The following PTPRD variants were observed in gnomAD, a reference collection of about 807,000 sequenced individuals.
PTPRD encodes the protein protein tyrosine phosphatase receptor type D.
In PTPRD, 34 loss-of-function variants were observed where a neutral mutation model predicts 214.5. The ratio of observed to expected loss-of-function variants is 0.16; its 90% CI spans 0.12 to 0.21. The LOEUF (loss-of-function observed/expected upper bound fraction) is 0.21. Ranked by LOEUF, PTPRD falls within the 10% of genes least tolerant of loss-of-function variation. The pLI is 1.00. For synonymous variants in PTPRD, 1,128 were observed against 845.7 expected (o/e 1.33, Z -5.79); for missense variants, 2,545 against 2,398.7 (o/e 1.06, Z -1.27).
At chr9:9,283,804 T>C (rs920116274) in intron 9 of PTPRD, among the ~76,000 whole-genome samples, 4 of 151,708 alleles carry the variant, frequency 2.6e-5, no homozygotes, top group African/African-American at 9.7e-5. Flanking sequence ...TAGATGTATA[T>C]TGACCCTGTG....
chr9:9,438,170 G>A (rs2086088013), intron 8 of PTPRD, among the ~76,000 whole-genome samples: 1 of 152,112 alleles, frequency 6.6e-6, no homozygotes. Flanking sequence ...TAATCTCTAT[G>A]AAGATCCTAT....
intron 2 of PTPRD, among the ~76,000 whole-genome samples, chr9:10,414,793 T>C (rs1021833518): frequency 3.3e-5 from 5 of 151,884 alleles, no homozygotes; most frequent in African/African-American, 1.2e-4. Context: ...TGTGGAAACA[T>C]GGATGGAACG....
At chr9:8,723,253 T>C (rs1382908396) in intron 12 of PTPRD, among the ~76,000 whole-genome samples, 2 of 152,174 alleles carry the variant, frequency 1.3e-5, no homozygotes, top group African/African-American at 2.4e-5. Flanking sequence ...CTCCATTTTT[T>C]CATAGCTGGA....
intron 8 of PTPRD, among the ~76,000 whole-genome samples, chr9:9,483,239 G>A (rs981500274): frequency 2.6e-5 from 4 of 152,142 alleles, no homozygotes; most frequent in Non-Finnish European, 5.9e-5. Flanking sequence ...GATGATCACA[G>A]GTGCATTTTT....
At chr9:8,696,195 G>C (rs905963097) in intron 12 of PTPRD, among the ~76,000 whole-genome samples, 11 of 152,174 alleles carry the variant, frequency 7.2e-5, no homozygotes, top group African/African-American at 2.4e-4. Context: ...AGAGAGAAGA[G>C]GACACGGGAT....
At chr9:9,565,418 A>T (rs966257019) in intron 8 of PTPRD, among the ~76,000 whole-genome samples, 3 of 151,928 alleles carry the variant, frequency 2.0e-5, no homozygotes, top group Admixed American at 6.6e-5. Context: ...TGTAATCTAA[A>T]TGCAAATCTA....
chr9:9,636,290 A>G (rs549213424), intron 7 of PTPRD, among the ~76,000 whole-genome samples: 8 of 152,282 alleles, frequency 5.3e-5, no homozygotes, highest in African/African-American at 1.4e-4. Context: ...GACTTTTTGC[A>G]TAGTTTGCAT....
chr9:10,324,099 T>C (rs2096602389), intron 3 of PTPRD, among the ~76,000 whole-genome samples: 1 of 152,110 alleles, frequency 6.6e-6, no homozygotes, highest in South Asian at 2.1e-4. Flanking sequence ...TTGTAAATTA[T>C]AATGTCTCTC....
intron 7 of PTPRD, among the ~76,000 whole-genome samples, chr9:9,583,469 A>G (rs996583061): frequency 2.6e-5 from 4 of 152,090 alleles, no homozygotes; most frequent in Non-Finnish European, 5.9e-5. Context: ...ACCCTTTTTC[A>G]TGAATGACAT....
chr9:9,269,171 G>C (rs940431697), intron 9 of PTPRD, among the ~76,000 whole-genome samples: 1 of 151,116 alleles, frequency 6.6e-6, no homozygotes, highest in Non-Finnish European at 1.5e-5. Flanking sequence ...CAACAATAAA[G>C]CTAAATAACC....
chr9:9,316,293 A>G (rs1376791828), intron 9 of PTPRD, among the ~76,000 whole-genome samples: 2 of 152,032 alleles, frequency 1.3e-5, no homozygotes, highest in African/African-American at 4.8e-5. Flanking sequence ...AGAGAAATAC[A>G]ATATCTGACA....
At chr9:10,196,786 C>G (rs1312715634) in intron 3 of PTPRD, among the ~76,000 whole-genome samples, 1 of 152,042 alleles carries the variant, frequency 6.6e-6, no homozygotes, top group Non-Finnish European at 1.5e-5. Flanking sequence ...TGTCAGCATC[C>G]TAACCTGTAA....
intron 11 of PTPRD, among the ~76,000 whole-genome samples, chr9:8,887,643 T>G (rs2098502707): frequency 6.6e-6 from 1 of 152,190 alleles, no homozygotes; most frequent in African/African-American, 2.4e-5. Flanking sequence ...CTCTTGAAGT[T>G]TTGTTTCTTC....
chr9:8,422,536 T>G (rs1408216090), intron 35 of PTPRD, among the ~76,000 whole-genome samples: 1 of 152,154 alleles, frequency 6.6e-6, no homozygotes, highest in Non-Finnish European at 1.5e-5. Context: ...GCCCTGAAAA[T>G]GTCTTCTCTA....
rs1944087362 is a variant in PTPRD at position 9,274,236 on chromosome 9, A to T, written c.-202-90873T>A. Among the ~76,000 whole-genome samples, 4 of 151,322 alleles carry T rather than the reference A, an allele frequency of 2.6e-5. No homozygotes were observed. In the Admixed American group the frequency reaches 2.6e-4, roughly 10 times the overall value. On this transcript the variant is annotated intron_variant, in intron 9 of 45. Transcript: ENST00000381196. ...ACCTTGTACATGGTATAACATATAC[A>T]CAGTCTTGTGTTTTACTATGTTTGC...
In PTPRD at chr9:9,139,547, C is replaced by G. The variant is rs2099856588; in HGVS notation, c.-143+43757G>C. Among the ~76,000 whole-genome samples, 4 of 152,082 alleles carry G rather than the reference C, an allele frequency of 2.6e-5. No homozygotes were observed. The South Asian group carries it at 8.3e-4, about 32-fold the overall frequency. The stretch of plus-strand genomic sequence containing the variant: ...GAACACATGCTCTGTGATACCGCGA[C>G]AGTCGAGGGTGGCTACTAAGTGACT... On this transcript the variant is annotated intron_variant, in intron 10 of 45. Transcript: ENST00000381196.
intron 14 of PTPRD, among the ~76,000 whole-genome samples, chr9:8,578,632 C>T (rs1485728943): frequency 5.9e-5 from 9 of 152,118 alleles, no homozygotes; most frequent in African/African-American, 1.7e-4. Context: ...CAACAGGATC[C>T]GCCCACACTA....
At chr9:10,179,262 T>C (rs2099267870) in intron 3 of PTPRD, among the ~76,000 whole-genome samples, 1 of 151,940 alleles carries the variant, frequency 6.6e-6, no homozygotes, top group Non-Finnish European at 1.5e-5. Context: ...AGAAAACAAT[T>C]AAATTTGAGC....
At chr9:9,919,624 G>C (rs774116893) in intron 5 of PTPRD, among the ~76,000 whole-genome samples, 2 of 152,114 alleles carry the variant, frequency 1.3e-5, no homozygotes, top group African/African-American at 2.4e-5. Context: ...GATGGAAATG[G>C]AAATTACAGA....
Sources: gnomAD v4.1 joint callset for allele counts (sites outside exome capture counted in the v4.1 genomes callset) on GRCh38, gnomAD v4.1.1 for gene constraint, MANE v1.5 for transcripts, NCBI Gene and HGNC (gene_info 2026-07-23, HGNC 2026-07-21) for gene names.